UNC13C: variants seen among roughly 807,000 people sequenced by gnomAD.
The protein encoded by UNC13C is unc-13 homolog C.
Under a neutral mutation model 245.4 loss-of-function variants are expected in UNC13C, and 174 were observed. That is an observed-to-expected ratio of 0.71 (90% confidence interval 0.63 to 0.80). UNC13C has a LOEUF of 0.80. UNC13C is among the 30% of genes least tolerant of loss of function. The pLI, the probability that UNC13C is intolerant of heterozygous loss-of-function variation, is 0.00. For synonymous variants in UNC13C, 992 were observed against 895.1 expected (o/e 1.11, Z -1.93); for missense variants, 2,829 against 2,602.9 (o/e 1.09, Z -1.89).
At chr15:54,367,927 G>A (rs1015620972) in intron 17 of UNC13C, among the ~76,000 whole-genome samples, 7 of 152,078 alleles carry the variant, frequency 4.6e-5, no homozygotes, top group African/African-American at 1.7e-4. Context: ...AGTCACATTT[G>A]GCTAGTGGCT....
At chr15:54,430,184 A>C (rs533479045) in intron 19 of UNC13C, among the ~76,000 whole-genome samples, 1 of 151,836 alleles carries the variant, frequency 6.6e-6, no homozygotes, top group African/African-American at 2.4e-5. Flanking sequence ...TGAATAAGAA[A>C]AAAGCTATTC....
At chr15:54,565,621 A>G (rs1897478535) in intron 29 of UNC13C, among the ~76,000 whole-genome samples, 2 of 152,044 alleles carry the variant, frequency 1.3e-5, no homozygotes, top group Admixed American at 6.6e-5. Context: ...TACTGTCTCA[A>G]AGGAGAATTC....
At chr15:53,882,937 C>T in the UNC13C span, among the ~76,000 whole-genome samples, 1 of 152,028 alleles carries the variant, frequency 6.6e-6, no homozygotes, top group South Asian at 2.1e-4. Context: ...GGAAGAATAA[C>T]TAATGGACAC....
intron 2 of UNC13C, chr15:54,050,972 A>G (rs1897246580): frequency 7.9e-6 from 4 of 503,952 alleles, no homozygotes; most frequent in Admixed American, 6.4e-5. Context: ...AGCTGGTACC[A>G]GTTACCAAGA....
At position 54,488,182 on chromosome 15, in the gene UNC13C, C is replaced by G. The variant is rs1240759318; in HGVS notation, c.4934-6426C>G. On this transcript the variant is annotated intron_variant, in intron 19 of 32. Transcript: ENST00000260323. ...ATTGTTAATGTGAAGTTATAATTACCTTGGAAATGCTTACGTGTGTTTTGT... is the reference window on the plus strand; with the variant it reads ...ATTGTTAATGTGAAGTTATAATTACGTTGGAAATGCTTACGTGTGTTTTGT... Among the ~76,000 whole-genome samples, 3 of 152,238 alleles carry G rather than the reference C, an allele frequency of 2.0e-5. No individual in the cohort carries two copies. In the East Asian group the frequency reaches 5.8e-4, roughly 29 times the overall value.
intron 2 of UNC13C, among the ~76,000 whole-genome samples, chr15:54,115,424 G>C: frequency 6.6e-6 from 1 of 151,924 alleles, no homozygotes; most frequent in East Asian, 1.9e-4. Flanking sequence ...CAGTTCCCAT[G>C]TACAGGCATA....
At chr15:54,102,331 C>A (rs2141157881) in intron 2 of UNC13C, among the ~76,000 whole-genome samples, 1 of 152,184 alleles carries the variant, frequency 6.6e-6, no homozygotes, top group African/African-American at 2.4e-5. Context: ...TATTAAAATT[C>A]AGTTTTTCAA....
At chr15:53,884,543 C>A in the UNC13C span, among the ~76,000 whole-genome samples, 4 of 152,208 alleles carry the variant, frequency 2.6e-5, no homozygotes, top group African/African-American at 9.6e-5. Flanking sequence ...CTACATTGCC[C>A]AGACTAGTCT....
chr15:54,222,354 C>T lies in UNC13C; in HGVS notation c.3072-12676C>T, dbSNP rs111416925. Among the ~76,000 whole-genome samples the T allele has an allele frequency of 1.6e-4, 25 of 152,124 alleles. 2 individuals are homozygous for T. Among genetic ancestry groups the T allele is most frequent in the African/African-American group, 5.8e-4 (24 of 41,522 alleles). On this transcript the variant is annotated intron_variant, in intron 4 of 32. Transcript: ENST00000260323. ...CAGTAAGTGAGCGTATGCAGTTTGTCTTTCTGTGCCTGGTTTATTTCACAT... is the reference window on the plus strand; with the variant it reads ...CAGTAAGTGAGCGTATGCAGTTTGTTTTTCTGTGCCTGGTTTATTTCACAT...
chr15:54,378,999 A>G (rs2039664401), intron 17 of UNC13C, among the ~76,000 whole-genome samples: 1 of 152,046 alleles, frequency 6.6e-6, no homozygotes, highest in Non-Finnish European at 1.5e-5. Context: ...ACTATTGAAT[A>G]TTTTATGGTA....
In UNC13C at chr15:54,414,653, AAAG is replaced by A. The variant is rs1228702694; in HGVS notation, c.4848-321_4848-319del. Among the ~76,000 whole-genome samples, 178 of 152,178 alleles carry A rather than the reference AAAG, an allele frequency of 1.2e-3. 1 individual carries two copies. The highest frequency in any genetic ancestry group is 4.0e-3 in the African/African-American group (166 of 41,518). On this transcript the variant is annotated intron_variant, in intron 18 of 32. Coordinates refer to ENST00000260323, the MANE Select transcript of UNC13C (RefSeq NM_001080534.3). ...AGAGTGAGACTCTGTCTCAAAAAAAAAAGAAGAAGATGGAGTCTTCGATAAAAG... is the reference window on the plus strand; with the variant it reads ...AGAGTGAGACTCTGTCTCAAAAAAAAAAGAAGATGGAGTCTTCGATAAAAG...
At chr15:54,512,389 T>C in intron 24 of UNC13C, 1 of 455,934 alleles carries the variant, frequency 2.2e-6, no homozygotes, top group South Asian at 1.5e-5. Context: ...TTTGTGATAG[T>C]AAGCATCTTA....
Position 54,552,565 on chromosome 15 carries a change from A to G in UNC13C, c.5878-2867A>G, listed in dbSNP as rs1330104026. Among the ~76,000 whole-genome samples, 129 of 18,562 alleles carry G rather than the reference A, an allele frequency of 6.9e-3. 2 individuals are homozygous for G. Among genetic ancestry groups the G allele is most frequent in the Non-Finnish European group, 0.013 (123 of 9,712 alleles). 12.2% of individuals were successfully genotyped at this position (18,562 alleles called of 152,430 possible). A position where few individuals can be genotyped will look rare whatever the true frequency, so the allele number is the denominator to read the frequency against. On this transcript the variant is annotated intron_variant, in intron 28 of 32. Coordinates refer to ENST00000260323, the MANE Select transcript of UNC13C (RefSeq NM_001080534.3). ...TATATTATATTGTATATAATTATAT[A>G]TTATATATAATTATATTATATTGTA...
At chr15:54,326,031 C>A (rs773478287) in intron 14 of UNC13C, among the ~76,000 whole-genome samples, 3 of 151,746 alleles carry the variant, frequency 2.0e-5, no homozygotes, top group Non-Finnish European at 4.4e-5. Context: ...TCAGAGGAAA[C>A]GAAGGAAGTG....
At chr15:53,923,164 G>A in the UNC13C span, among the ~76,000 whole-genome samples, 1 of 152,296 alleles carries the variant, frequency 6.6e-6, no homozygotes, top group East Asian at 1.9e-4. Flanking sequence ...CAGATCAAAT[G>A]ACATAATTTC....
At chr15:54,399,871 T>C (rs2040146733) in intron 18 of UNC13C, among the ~76,000 whole-genome samples, 3 of 152,006 alleles carry the variant, frequency 2.0e-5, no homozygotes, top group African/African-American at 7.2e-5. Context: ...ATGTTCAGAG[T>C]ATTAAAGTTC....
At chr15:53,893,243 C>T in the UNC13C span, among the ~76,000 whole-genome samples, 3 of 152,180 alleles carry the variant, frequency 2.0e-5, no homozygotes, top group Non-Finnish European at 4.4e-5. Context: ...CCCAGAGGGG[C>T]ACCTGCTAGA....
chr15:54,452,291 G>C (rs1222775746), intron 19 of UNC13C, among the ~76,000 whole-genome samples: 1 of 152,166 alleles, frequency 6.6e-6, no homozygotes, highest in Non-Finnish European at 1.5e-5. Flanking sequence ...CAGTGGGTCA[G>C]GTTGGTGGGT....
chr15:54,624,400 GAAAT>G (rs10575153), intron 32 of UNC13C, among the ~76,000 whole-genome samples: 116,241 of 151,428 alleles, frequency 0.77, 45,473 homozygotes, highest in African/African-American at 0.94. Flanking sequence ...CAGACAAAGT[GAAAT>G]AAATAGCTAG....
Sources: allele counts gnomAD v4.1 joint callset (sites outside exome capture counted in the v4.1 genomes callset), GRCh38; gene constraint gnomAD v4.1.1; transcripts MANE v1.5; gene names NCBI Gene and HGNC (gene_info 2026-07-23, HGNC 2026-07-21).